The following CA12 variants were observed in gnomAD, a reference collection of about 807,000 sequenced individuals.
CA12 encodes carbonate dehydratase XII.
Under a neutral mutation model 46.8 loss-of-function variants are expected in CA12, and 36 were observed. The ratio of observed to expected loss-of-function variants is 0.77; its 90% CI spans 0.59 to 1.02. The LOEUF is 1.02. Among genes scored for constraint, CA12 ranks in the 50% least tolerant of loss-of-function variants. The pLI is 0.00. For missense variants in CA12, 436 were observed against 451.4 expected (o/e 0.97, Z 0.31); for synonymous variants, 202 against 187.0 (o/e 1.08, Z -0.65).
chr15:63,350,778 GAGAGAGGAGTGGAATGA>G (rs1187721105), intron 2 of CA12, among the ~76,000 whole-genome samples: 1 of 152,184 alleles, frequency 6.6e-6, no homozygotes. Flanking sequence ...ATACAATGTA[GAGAGAGGAGTGGAATGA>G]ACCCCATGTC....
rs538693071 is a variant in CA12 at position 63,349,863 on chromosome 15, T to C, written c.107-3154A>G. 1.9e-3 allele frequency among the ~76,000 whole-genome samples: 292 copies of C among 152,218 alleles called. 1 individual carries two copies. The highest frequency in any genetic ancestry group is 6.8e-3 in the African/African-American group (283 of 41,534). ...CCCTCACATGTTTACTAAGCTGAAC[T>C]CTCAACACCTGTTTCATGCTTGTTC... On this transcript the variant is annotated intron_variant, in intron 2 of 10. Coordinates refer to ENST00000178638, the MANE Select transcript of CA12 (RefSeq NM_001218.5).
Position 63,328,446 on chromosome 15 carries a change from C to CA in CA12, c.875-317_875-316insT, listed in dbSNP as rs1340129438. Among the ~76,000 whole-genome samples, 2 of 149,954 alleles carry CA rather than the reference C, an allele frequency of 1.3e-5. No homozygotes were observed. Among genetic ancestry groups the CA allele is most frequent in the African/African-American group, 2.5e-5 (1 of 40,690 alleles). On this transcript the variant is annotated intron_variant, in intron 8 of 10. Transcript: ENST00000178638. The surrounding 1 kb of genome is among the most constrained non-coding windows in gnomAD (Gnocchi z 5.9). ...CCGCCTCCTGGGTTCAAGCAATTCT[C>CA]TGCCTCAGTCTCCCAAGTAGCTGGG... is the stretch of plus-strand genomic sequence containing the variant.
chr15:63,345,346 C>A lies in CA12; in HGVS notation c.429+131G>T. On this transcript the variant is annotated intron_variant, in intron 4 of 10. Transcript: ENST00000178638. The surrounding 1 kb of genome is among the most constrained non-coding windows in gnomAD (Gnocchi z 4.3). ...AGTGGCTGCGCCCCTTGTGCCAGGG[C>A]CAGAGGTGGGGCAGAGAGCCTGAAG... The A allele has an allele frequency of 8.5e-7, 1 of 1,177,968 alleles. No individual in the cohort carries two copies. Among genetic ancestry groups the A allele is most frequent in the Non-Finnish European group, 1.2e-6 (1 of 824,514 alleles). The allele number at this position is 1,177,968 out of a possible 1,614,324, so 73.0% of individuals were successfully genotyped here. A position where few individuals can be genotyped will look rare whatever the true frequency, so the allele number is the denominator to read the frequency against.
At chr15:63,364,637 A>G (rs1381497844) in intron 2 of CA12, among the ~76,000 whole-genome samples, 1 of 152,180 alleles carries the variant, frequency 6.6e-6, no homozygotes, top group Non-Finnish European at 1.5e-5. Flanking sequence ...CCGTTCTCAT[A>G]TGATATCTGC....
Position 63,345,384 on chromosome 15 carries a change from A to G in CA12, c.429+93T>C. The G allele has an allele frequency of 1.3e-6, 2 of 1,527,590 alleles. No individual in the cohort carries two copies. Among genetic ancestry groups the G allele is most frequent in the East Asian group, 2.3e-5 (1 of 42,894 alleles). The allele number at this position is 1,527,590 out of a possible 1,614,324, so 94.6% of individuals were successfully genotyped here. A position where few individuals can be genotyped will look rare whatever the true frequency, so the allele number is the denominator to read the frequency against. ...AGAGAGCCTGAAGGCAGCCTGTCCC[A>G]TGCTCTGGTGTTATCTGCACAGCAG... On this transcript the variant is annotated intron_variant, in intron 4 of 10. Transcript: ENST00000178638. The surrounding 1 kb of genome is among the most constrained non-coding windows in gnomAD (Gnocchi z 4.3).
chr15:63,342,220 G>A, intron 4 of CA12, 123 bp from the exon 5 acceptor site: 1 of 713,634 alleles, frequency 1.4e-6, no homozygotes, highest in East Asian at 2.7e-5. Context: ...CCCAGACTAG[G>A]TTAGGTCTCT....
At chr15:63,359,528 T>A (rs1003381519) in intron 2 of CA12, among the ~76,000 whole-genome samples, 1 of 151,618 alleles carries the variant, frequency 6.6e-6, no homozygotes, top group Non-Finnish European at 1.5e-5. Context: ...CACACACACA[T>A]ACACACACAC....
chr15:63,359,092 C>A (rs1253611512), intron 2 of CA12, among the ~76,000 whole-genome samples: 1 of 152,092 alleles, frequency 6.6e-6, no homozygotes, highest in Non-Finnish European at 1.5e-5. Flanking sequence ...CAGACACACT[C>A]CCCTGGGGTG....
At chr15:63,359,800 G>A (rs2039338457) in intron 2 of CA12, among the ~76,000 whole-genome samples, 1 of 152,148 alleles carries the variant, frequency 6.6e-6, no homozygotes, top group South Asian at 2.1e-4. Context: ...AACTGGCACA[G>A]CCCTTGTTCA....
chr15:63,366,473 G>A (rs1348349888), intron 2 of CA12, among the ~76,000 whole-genome samples: 3 of 152,130 alleles, frequency 2.0e-5, no homozygotes, highest in East Asian at 1.9e-4. Flanking sequence ...GTAAGGCCCC[G>A]CTTAATTGCT....
chr15:63,365,958 G>A (rs1422514256), intron 2 of CA12, among the ~76,000 whole-genome samples: 1 of 152,052 alleles, frequency 6.6e-6, no homozygotes, highest in African/African-American at 2.4e-5. Flanking sequence ...GGCCAACATG[G>A]TGACACCCCC....
At chr15:63,333,923 C>T (rs1316737604) in intron 8 of CA12, among the ~76,000 whole-genome samples, 3 of 152,190 alleles carry the variant, frequency 2.0e-5, no homozygotes, top group Non-Finnish European at 2.9e-5. Context: ...ATGGCCCTGA[C>T]ATGTTGAGCA....
At chr15:63,353,672 C>T (rs1362415113) in intron 2 of CA12, among the ~76,000 whole-genome samples, 1 of 152,132 alleles carries the variant, frequency 6.6e-6, no homozygotes, top group African/African-American at 2.4e-5. Context: ...CCCTCTAAAT[C>T]CATCTGGAAA....
rs909353347 is a variant in CA12 at position 63,329,035 on chromosome 15, G to A, written c.875-905C>T. On this transcript the variant is annotated intron_variant, in intron 8 of 10. Coordinates refer to ENST00000178638, the MANE Select transcript of CA12 (RefSeq NM_001218.5). This position sits in a 1 kb window ranked among gnomAD's most constrained non-coding sequence, Gnocchi z 4.8. ...GTTTTTAATACAACATGGCCAAAGAGGAAAGATGAAGAAAGGTAGGGATCA... is the reference window on the plus strand; with the variant it reads ...GTTTTTAATACAACATGGCCAAAGAAGAAAGATGAAGAAAGGTAGGGATCA... Among the ~76,000 whole-genome samples, 2 of 152,210 alleles carry A rather than the reference G, an allele frequency of 1.3e-5. No homozygotes were observed. Among genetic ancestry groups the A allele is most frequent in the African/African-American group, 4.8e-5 (2 of 41,462 alleles).
rs931509041 is a variant in CA12, at chr15:63,322,926, G to A, written c.*3359C>T. The A allele has an allele frequency of 6.6e-6, 1 of 152,238 alleles. No individual in the cohort carries two copies. The highest frequency in any genetic ancestry group is 1.5e-5 in the Non-Finnish European group (1 of 68,050). The allele number at this position is 152,238 out of a possible 1,614,324, so 9.4% of individuals were successfully genotyped here. ...CTCTCTCAGGCTTAGGGTGATTATAGTGAAAATTGGATGCTTTTCTAAATA... is the reference window on the plus strand; with the variant it reads ...CTCTCTCAGGCTTAGGGTGATTATAATGAAAATTGGATGCTTTTCTAAATA... On this transcript the variant is annotated 3_prime_UTR_variant, in exon 11 of 11. Coordinates refer to ENST00000178638, the MANE Select transcript of CA12 (RefSeq NM_001218.5). The surrounding 1 kb of genome is among the most constrained non-coding windows in gnomAD (Gnocchi z 4.1).
rs28516020 is a variant in CA12, at chr15:63,322,730, C to G, written c.*3555G>C. 1 of 152,288 alleles carries G rather than the reference C, an allele frequency of 6.6e-6. No homozygotes were observed. Among genetic ancestry groups the G allele is most frequent in the African/African-American group, 2.4e-5 (1 of 41,456 alleles). The allele number at this position is 152,288 out of a possible 1,614,324, so 9.4% of individuals were successfully genotyped here. A position where few individuals can be genotyped will look rare whatever the true frequency, so the allele number is the denominator to read the frequency against. On this transcript the variant is annotated 3_prime_UTR_variant, in exon 11 of 11. Transcript: ENST00000178638. This position sits in a 1 kb window ranked among gnomAD's most constrained non-coding sequence, Gnocchi z 4.1. ...AGTGCTTCGTGGGAACTCTGGCTTC[C>G]CGGCTGTCTTCATGCCTGTGCGTGG...
In CA12 at chr15:63,331,358, G is replaced by C. The variant is rs1353204384; in HGVS notation, c.875-3228C>G. ...CTGTAGAGAACAGGCATCAAAGATGGTACAGGGAGGGGCAGAACTAGAGAA... is the reference window on the plus strand; with the variant it reads ...CTGTAGAGAACAGGCATCAAAGATGCTACAGGGAGGGGCAGAACTAGAGAA... On this transcript the variant is annotated intron_variant, in intron 8 of 10. Transcript: ENST00000178638. The surrounding 1 kb of genome is among the most constrained non-coding windows in gnomAD (Gnocchi z 5.3). Among the ~76,000 whole-genome samples the C allele has an allele frequency of 6.6e-6, 1 of 152,220 alleles. No homozygotes were observed. The highest frequency in any genetic ancestry group is 1.5e-5 in the Non-Finnish European group (1 of 68,028).
chr15:63,325,723 C>T lies in CA12; in HGVS notation c.*562G>A, dbSNP rs1350972739. On this transcript the variant is annotated 3_prime_UTR_variant, in exon 11 of 11. Transcript: ENST00000178638. This position sits in a 1 kb window ranked among gnomAD's most constrained non-coding sequence, Gnocchi z 4.9. ...AATGTATATCTCTTGTTTTCTTTTT[C>T]TCTCTACAACTTGATCCTTCCTGTC... The T allele has an allele frequency of 5.7e-6, 1 of 176,832 alleles. No individual in the cohort carries two copies. The highest frequency in any genetic ancestry group is 1.2e-5 in the Non-Finnish European group (1 of 81,390). 11.0% of individuals were successfully genotyped at this position (176,832 alleles called of 1,614,324 possible). A position where few individuals can be genotyped will look rare whatever the true frequency, so the allele number is the denominator to read the frequency against.
At chr15:63,347,733 G>A (rs141594527) in intron 2 of CA12, among the ~76,000 whole-genome samples, 57 of 152,240 alleles carry the variant, frequency 3.7e-4, no homozygotes, top group African/African-American at 1.3e-3. Context: ...TCAGGCCAAG[G>A]TTTCTCCAGA....
Sources: gnomAD v4.1 joint callset for allele counts (sites outside exome capture counted in the v4.1 genomes callset) on GRCh38, gnomAD v4.1.1 for gene constraint, Gnocchi (gnomAD v3.1) non-coding constraint, MANE v1.5 for transcripts, NCBI Gene and HGNC (gene_info 2026-07-23, HGNC 2026-07-21) for gene names.